PAK5: variants seen among roughly 807,000 people sequenced by gnomAD.
The protein encoded by PAK5 is p21 (RAC1) activated kinase 5.
A neutral mutation model predicts 65.9 loss-of-function variants in PAK5; 16 were observed. The ratio of observed to expected loss-of-function variants is 0.24; its 90% CI spans 0.16 to 0.37. The LOEUF (loss-of-function observed/expected upper bound fraction) is 0.37. PAK5 is among the 10% of genes least tolerant of loss of function. PAK5 has a pLI of 1.00. For synonymous variants in PAK5, 371 were observed against 354.9 expected, an observed-to-expected ratio of 1.05 and a Z score of -0.51; for missense variants, 785 against 903.9, an observed-to-expected ratio of 0.87 and a Z score of 1.69.
intron 3 of PAK5, among the ~76,000 whole-genome samples, chr20:9,619,212 T>G (rs969219315): frequency 6.6e-6 from 1 of 152,146 alleles, no homozygotes; most frequent in Non-Finnish European, 1.5e-5. Context: ...TGTGAGCCAC[T>G]GTGCCTGGCC....
intron 7 of PAK5, among the ~76,000 whole-genome samples, chr20:9,545,290 G>C (rs1023030687): frequency 9.2e-5 from 14 of 152,252 alleles, no homozygotes; most frequent in African/African-American, 3.4e-4. Flanking sequence ...TGCACCCTGG[G>C]TGTTAGGCAC....
chr20:9,622,659 C>T (rs1035691148), intron 3 of PAK5, among the ~76,000 whole-genome samples: 2 of 152,134 alleles, frequency 1.3e-5, no homozygotes, highest in Non-Finnish European at 2.9e-5. Context: ...AGATCAGCAG[C>T]GACATTATAT....
chr20:9,563,809 G>A (rs941713104), intron 5 of PAK5, among the ~76,000 whole-genome samples: 84 of 152,292 alleles, frequency 5.5e-4, no homozygotes, highest in African/African-American at 1.8e-3. Flanking sequence ...CTGAAGCCCA[G>A]TCACCTGGAA....
intron 2 of PAK5, among the ~76,000 whole-genome samples, chr20:9,649,490 C>T (rs954171612): frequency 6.6e-6 from 1 of 152,206 alleles, no homozygotes; most frequent in Non-Finnish European, 1.5e-5. Flanking sequence ...TCTAATACCC[C>T]ATTTCTGCTC....
At chr20:9,837,380 A>C (rs1209391649) in intron 1 of PAK5, among the ~76,000 whole-genome samples, 1 of 152,248 alleles carries the variant, frequency 6.6e-6, no homozygotes, top group African/African-American at 2.4e-5. Flanking sequence ...AAATAGTGTG[A>C]GTGCAGAGGA....
chr20:9,822,063 C>T (rs1294603323), intron 1 of PAK5, among the ~76,000 whole-genome samples: 8 of 151,970 alleles, frequency 5.3e-5, no homozygotes, highest in Admixed American at 5.2e-4. Context: ...CTGAGGCAGG[C>T]AGATTGCCTG....
chr20:9,699,916 A>G (rs2047918659), intron 2 of PAK5, among the ~76,000 whole-genome samples: 1 of 152,152 alleles, frequency 6.6e-6, no homozygotes. Context: ...CCTCCTTCAA[A>G]TTACTAAGCA....
chr20:9,644,067 G>A (rs1409634708), intron 3 of PAK5, 58 bp downstream of exon 3: 27 of 1,274,376 alleles, frequency 2.1e-5, no homozygotes, highest in Middle Eastern at 2.1e-4. Flanking sequence ...AGCTGATGCA[G>A]TGCATTAAAT....
intron 2 of PAK5, among the ~76,000 whole-genome samples, 199 bp downstream of exon 2, chr20:9,711,087 C>T (rs948872738): frequency 2.0e-5 from 3 of 152,186 alleles, no homozygotes; most frequent in African/African-American, 7.2e-5. Flanking sequence ...TTTACTTACA[C>T]TTTCCACTAG....
At chr20:9,666,113 G>A (rs915228441) in intron 2 of PAK5, among the ~76,000 whole-genome samples, 2 of 152,282 alleles carry the variant, frequency 1.3e-5, no homozygotes, top group Admixed American at 1.3e-4. Flanking sequence ...AGAAGGGAAG[G>A]AGGAAGGGAA....
chr20:9,544,311 C>CAA (rs2045310580), intron 8 of PAK5, 58 bp downstream of exon 8: 1 of 1,581,030 alleles, frequency 6.3e-7, no homozygotes, highest in Non-Finnish European at 8.6e-7. Context: ...ATCTCAGAAC[C>CAA]AATGGGTCCC....
At chr20:9,775,998 T>C (rs2048883429) in intron 1 of PAK5, among the ~76,000 whole-genome samples, 1 of 152,208 alleles carries the variant, frequency 6.6e-6, no homozygotes, top group South Asian at 2.1e-4. Context: ...TTTGGTATCA[T>C]GTAGTAAAGA....
chr20:9,616,288 T>C (rs1340053418), intron 3 of PAK5, among the ~76,000 whole-genome samples: 1 of 152,194 alleles, frequency 6.6e-6, no homozygotes, highest in African/African-American at 2.4e-5. Flanking sequence ...GCAGTTCCTA[T>C]ATTACAGATG....
At chr20:9,572,228 A>G (rs374428459) in intron 4 of PAK5, among the ~76,000 whole-genome samples, 1 of 152,322 alleles carries the variant, frequency 6.6e-6, no homozygotes, top group South Asian at 2.1e-4. Context: ...TTGTTACAAC[A>G]TCACTCAGGC....
chr20:9,553,841 A>C (rs1177528472), intron 7 of PAK5, among the ~76,000 whole-genome samples: 1 of 151,830 alleles, frequency 6.6e-6, no homozygotes, highest in Non-Finnish European at 1.5e-5. Flanking sequence ...TGGGAAAATA[A>C]GTTTCCATTT....
At chr20:9,624,902 C>T (rs764070305) in intron 3 of PAK5, among the ~76,000 whole-genome samples, 1 of 152,168 alleles carries the variant, frequency 6.6e-6, no homozygotes, top group Non-Finnish European at 1.5e-5. Context: ...CAGAAACAAA[C>T]AAACAAATTA....
chr20:9,545,149 G>T (rs1258387781), intron 7 of PAK5, among the ~76,000 whole-genome samples: 3 of 152,118 alleles, frequency 2.0e-5, no homozygotes, highest in African/African-American at 4.8e-5. Flanking sequence ...GTTGGCACTT[G>T]GTTGTCAGGG....
chr20:9,828,918 A>C (rs943374333), intron 1 of PAK5, among the ~76,000 whole-genome samples: 1 of 152,156 alleles, frequency 6.6e-6, no homozygotes, highest in Non-Finnish European at 1.5e-5. Flanking sequence ...TGATGGAACC[A>C]ATATTGATTG....
intron 2 of PAK5, among the ~76,000 whole-genome samples, chr20:9,690,179 A>C (rs898236382): frequency 1.3e-5 from 2 of 152,156 alleles, no homozygotes; most frequent in Non-Finnish European, 2.9e-5. Context: ...TGGTCACAGG[A>C]AGAAGAATCA....
Sources: gnomAD v4.1 joint callset for allele counts (sites outside exome capture counted in the v4.1 genomes callset) on GRCh38, gnomAD v4.1.1 for gene constraint, MANE v1.5 for transcripts, NCBI Gene and HGNC (gene_info 2026-07-23, HGNC 2026-07-21) for gene names.